UBE2H: variants seen among roughly 807,000 people sequenced by gnomAD.
UBE2H encodes the protein ubiquitin conjugating enzyme E2 H.
UBE2H carries 3 observed loss-of-function variants against 29.0 expected under a neutral mutation model. The ratio of observed to expected loss-of-function variants is 0.10; its 90% CI spans 0.05 to 0.27. The LOEUF (loss-of-function observed/expected upper bound fraction) is 0.27, where lower values mean the gene tolerates loss of function less well. UBE2H is among the 10% of genes least tolerant of loss of function. The pLI, the probability that UBE2H is intolerant of heterozygous loss-of-function variation, is 1.00. For missense variants in UBE2H, 68 were observed against 228.2 expected (o/e 0.30, Z 4.52); for synonymous variants, 69 against 82.9 (o/e 0.83, Z 0.91).
chr7:129,894,196 G>A (rs758186035), intron 1 of UBE2H, among the ~76,000 whole-genome samples: 1 of 152,126 alleles, frequency 6.6e-6, no homozygotes, highest in African/African-American at 2.4e-5. Context: ...GCTCACGCCT[G>A]TAATTCCAAC....
intron 1 of UBE2H, among the ~76,000 whole-genome samples, chr7:129,941,067 G>A (rs1807632147): frequency 1.3e-5 from 2 of 152,120 alleles, no homozygotes; most frequent in Admixed American, 1.3e-4. Flanking sequence ...CAATTCTCCT[G>A]CCTCAGCCTC....
intron 1 of UBE2H, among the ~76,000 whole-genome samples, chr7:129,895,507 A>G (rs1806582061): frequency 6.6e-6 from 1 of 152,198 alleles, no homozygotes. Context: ...TAAATGATAC[A>G]AAGACATACA....
intron 1 of UBE2H, among the ~76,000 whole-genome samples, chr7:129,909,575 G>A (rs1806887863): frequency 6.6e-6 from 1 of 152,136 alleles, no homozygotes; most frequent in South Asian, 2.1e-4. Context: ...AGAAAAATGG[G>A]CCGGGAGTGG....
At chr7:129,935,046 G>C (rs1807498674) in intron 1 of UBE2H, among the ~76,000 whole-genome samples, 1 of 151,328 alleles carries the variant, frequency 6.6e-6, no homozygotes, top group African/African-American at 2.4e-5. Context: ...CCACAAAATA[G>C]AGGTGAAAGG....
intron 1 of UBE2H, among the ~76,000 whole-genome samples, chr7:129,951,581 G>A (rs1807876812): frequency 6.6e-6 from 1 of 152,106 alleles, no homozygotes; most frequent in Non-Finnish European, 1.5e-5. Context: ...CAAAACCACT[G>A]CCTGAAGGGC....
At chr7:129,874,545 A>G (rs1205379573) in intron 3 of UBE2H, among the ~76,000 whole-genome samples, 6 of 152,152 alleles carry the variant, frequency 3.9e-5, no homozygotes, top group Non-Finnish European at 4.4e-5. Flanking sequence ...TCCTGAGGTC[A>G]TGATCCACCC....
At chr7:129,935,261 A>G (rs1336280282) in intron 1 of UBE2H, among the ~76,000 whole-genome samples, 1 of 151,844 alleles carries the variant, frequency 6.6e-6, no homozygotes, top group Non-Finnish European at 1.5e-5. Flanking sequence ...TAAAAATACA[A>G]AAATTTGCTG....
chr7:129,847,514 TC>T (rs1403189772), intron 5 of UBE2H, among the ~76,000 whole-genome samples: 2 of 149,864 alleles, frequency 1.3e-5, no homozygotes, highest in Non-Finnish European at 3.0e-5. Flanking sequence ...ACCCAGTCTC[TC>T]TTTTTTTTTT....
At chr7:129,909,994 A>T (rs1584780480) in intron 1 of UBE2H, among the ~76,000 whole-genome samples, 2 of 152,220 alleles carry the variant, frequency 1.3e-5, no homozygotes, top group Non-Finnish European at 2.9e-5. Context: ...TGATTCAAGG[A>T]AGGCTTTGAG....
chr7:129,900,040 G>C (rs1806677602), intron 1 of UBE2H, among the ~76,000 whole-genome samples: 1 of 151,556 alleles, frequency 6.6e-6, no homozygotes, highest in Non-Finnish European at 1.5e-5. Flanking sequence ...TGAGGCAGGA[G>C]AATCGCTTGA....
At chr7:129,884,105 A>C (rs1310795174) in intron 1 of UBE2H, among the ~76,000 whole-genome samples, 1 of 151,684 alleles carries the variant, frequency 6.6e-6, no homozygotes, top group Non-Finnish European at 1.5e-5. Context: ...CAAAAAACTA[A>C]ATAAAAAAAT....
chr7:129,847,021 TATTA>T, intron 5 of UBE2H, among the ~76,000 whole-genome samples: 1 of 143,856 alleles, frequency 7.0e-6, no homozygotes, highest in South Asian at 2.1e-4. Flanking sequence ...TTATTATTAT[TATTA>T]TTATTATTTT....
At chr7:129,876,935 A>G (rs1806155678) in intron 3 of UBE2H, among the ~76,000 whole-genome samples, 1 of 152,240 alleles carries the variant, frequency 6.6e-6, no homozygotes, top group African/African-American at 2.4e-5. Context: ...AGAGTGTCCC[A>G]AAGATAAGCA....
At chr7:129,952,482 A>T (rs1485281745) in intron 1 of UBE2H, 21 bp downstream of exon 1, 1 of 1,611,346 alleles carries the variant, frequency 6.2e-7, no homozygotes, top group South Asian at 1.1e-5. Flanking sequence ...CACAGCCCGA[A>T]TTCCCCTCCA....
intron 1 of UBE2H, among the ~76,000 whole-genome samples, chr7:129,946,509 G>A (rs1224681887): frequency 2.0e-5 from 3 of 152,154 alleles, no homozygotes; most frequent in Non-Finnish European, 4.4e-5. Context: ...AACATTTAAG[G>A]CCAACAGTTC....
chr7:129,831,625 T>TA lies in UBE2H; in HGVS notation c.*3311dup, dbSNP rs763186889. 6.6e-6 allele frequency: 1 copy of TA among 152,178 alleles called. No individual in the cohort carries two copies. The highest frequency in any genetic ancestry group is 1.5e-5 in the Non-Finnish European group (1 of 68,030). 9.4% of individuals were successfully genotyped at this position (152,178 alleles called of 1,614,324 possible). A position where few individuals can be genotyped will look rare whatever the true frequency, so the allele number is the denominator to read the frequency against. On this transcript the variant is annotated 3_prime_UTR_variant, in exon 7 of 7. Coordinates refer to ENST00000355621, the MANE Select transcript of UBE2H (RefSeq NM_003344.4). Reference sequence around the variant, plus strand: ...GAAATGTTAGGTACTGGAGAGATGATATGGCAACTCCTGATAATGACCTCA... The same window carrying TA: ...GAAATGTTAGGTACTGGAGAGATGATAATGGCAACTCCTGATAATGACCTCA...
chr7:129,890,953 T>C (rs1401589821), intron 1 of UBE2H, among the ~76,000 whole-genome samples: 3 of 151,646 alleles, frequency 2.0e-5, no homozygotes, highest in Non-Finnish European at 2.9e-5. Flanking sequence ...GCCAAAATAG[T>C]GAAACCCCGT....
intron 1 of UBE2H, among the ~76,000 whole-genome samples, chr7:129,887,995 G>A (rs1806398677): frequency 6.6e-6 from 1 of 152,160 alleles, no homozygotes; most frequent in South Asian, 2.1e-4. Context: ...GTTTCATAAG[G>A]ATGTCTATGA....
chr7:129,857,877 C>A (rs79789931), intron 4 of UBE2H, among the ~76,000 whole-genome samples: 110 of 152,306 alleles, frequency 7.2e-4, no homozygotes, highest in African/African-American at 2.3e-3. Flanking sequence ...CACCATCTTA[C>A]TTTGTAGTTT....
Sources: allele counts gnomAD v4.1 joint callset (sites outside exome capture counted in the v4.1 genomes callset), GRCh38; gene constraint gnomAD v4.1.1; transcripts MANE v1.5; gene names NCBI Gene and HGNC (gene_info 2026-07-23, HGNC 2026-07-21).